The following SORL1 variants were observed in gnomAD, a reference collection of about 807,000 sequenced individuals.
SORL1 encodes the protein sortilin related receptor 1.
A neutral mutation model predicts 273.7 loss-of-function variants in SORL1; 127 were observed. That is an observed-to-expected ratio of 0.46 (90% CI 0.40 to 0.54). The LOEUF (loss-of-function observed/expected upper bound fraction) is 0.54, where lower values mean the gene tolerates loss of function less well. SORL1 is among the 20% of genes least tolerant of loss of function. SORL1 has a pLI of 0.00. For synonymous variants in SORL1, 1,031 were observed against 1,067.4 expected (o/e 0.97, Z 0.66); for missense variants, 2,494 against 2,846.1 (o/e 0.88, Z 2.81).
rs1863852887 is a variant in SORL1 at position 121,630,067 on chromosome 11, A to G, written c.*504A>G. 6.2e-6 allele frequency: 1 copy of G among 161,022 alleles called. No homozygotes were observed. The highest frequency in any genetic ancestry group is 1.4e-5 in the Non-Finnish European group (1 of 73,402). 10.0% of individuals were successfully genotyped at this position (161,022 alleles called of 1,614,324 possible). On this transcript the variant is annotated 3_prime_UTR_variant, in exon 48 of 48. Transcript: ENST00000260197. ...TTGTTAATTTATTGGGACTCTGTGT[A>G]AGGCCAGGCTTTAGTGGTCATTAGA... is the stretch of plus-strand genomic sequence containing the variant.
chr11:121,508,506 C>T (rs1028576697), intron 6 of SORL1, among the ~76,000 whole-genome samples: 9 of 152,214 alleles, frequency 5.9e-5, no homozygotes, highest in African/African-American at 2.2e-4. Context: ...CTGTCTATAT[C>T]ATGAACCAAG....
At chr11:121,519,887 CCT>C in intron 8 of SORL1, among the ~76,000 whole-genome samples, 1 of 152,236 alleles carries the variant, frequency 6.6e-6, no homozygotes, top group East Asian at 1.9e-4. Context: ...TTCTAAACCC[CCT>C]GTTAGGAATT....
chr11:121,496,819 T>A (rs1449759885), intron 5 of SORL1, 50 bp from the exon 6 acceptor site: 1 of 1,515,922 alleles, frequency 6.6e-7, no homozygotes, highest in African/African-American at 1.4e-5. Context: ...TCCATGCCTC[T>A]AGTAATTAAA....
intron 14 of SORL1, among the ~76,000 whole-genome samples, 188 bp from the exon 15 acceptor site, chr11:121,549,772 A>G (rs1862481546): frequency 6.6e-6 from 1 of 151,670 alleles, no homozygotes; most frequent in Non-Finnish European, 1.5e-5. Context: ...TGTTTTTCCA[A>G]CTGTGGTTCT....
intron 12 of SORL1, among the ~76,000 whole-genome samples, chr11:121,541,391 T>C (rs1862347650): frequency 6.6e-6 from 1 of 152,062 alleles, no homozygotes; most frequent in Non-Finnish European, 1.5e-5. Flanking sequence ...AAATTTTCTG[T>C]AGAGATGTGG....
At chr11:121,464,461 G>A (rs1861052591) in intron 1 of SORL1, among the ~76,000 whole-genome samples, 1 of 152,194 alleles carries the variant, frequency 6.6e-6, no homozygotes, top group Admixed American at 6.5e-5. Flanking sequence ...TACTTCATCC[G>A]CAAGTGAACG....
chr11:121,522,478 C>A, intron 9 of SORL1, 108 bp from the exon 10 acceptor site: 1 of 811,820 alleles, frequency 1.2e-6, no homozygotes, highest in Non-Finnish European at 2.1e-6. Context: ...TGGGCCAGGC[C>A]TCCTTGCCCC....
chr11:121,533,875 G>C (rs1336598231), intron 12 of SORL1, among the ~76,000 whole-genome samples: 1 of 152,168 alleles, frequency 6.6e-6, no homozygotes, highest in East Asian at 1.9e-4. Flanking sequence ...CTTTAGAGGT[G>C]ATACTCCGAA....
intron 11 of SORL1, among the ~76,000 whole-genome samples, chr11:121,530,151 C>T (rs1167556939): frequency 6.6e-6 from 1 of 152,184 alleles, no homozygotes; most frequent in Non-Finnish European, 1.5e-5. Flanking sequence ...ATTACAAAAC[C>T]CACAAAGCAG....
intron 25 of SORL1, among the ~76,000 whole-genome samples, chr11:121,582,594 T>C (rs537886528): frequency 9.8e-5 from 15 of 152,348 alleles, no homozygotes; most frequent in African/African-American, 3.4e-4. Context: ...GACTGAGTTT[T>C]TGAGGTGGTT....
intron 29 of SORL1, 136 bp downstream of exon 29, chr11:121,589,526 T>G (rs1863176611): frequency 3.7e-6 from 4 of 1,078,742 alleles, no homozygotes; most frequent in Non-Finnish European, 5.6e-6. Flanking sequence ...TGCCAGTTCC[T>G]GAATACTCAT....
intron 47 of SORL1, among the ~76,000 whole-genome samples, chr11:121,628,062 AC>A (rs1458673778): frequency 1.4e-4 from 22 of 152,138 alleles, no homozygotes; most frequent in African/African-American, 5.1e-4. Context: ...AGAATATCTG[AC>A]CCCTGTCTCA....
chr11:121,459,217 C>T (rs571421161), intron 1 of SORL1, among the ~76,000 whole-genome samples: 17 of 152,310 alleles, frequency 1.1e-4, no homozygotes, highest in African/African-American at 3.4e-4. Context: ...TTAATTTTAA[C>T]GAATTTAAAG....
rs1426861321 is a variant in SORL1, at chr11:121,543,587, C to A, written c.1725C>A (p.Ile575=). The A allele has an allele frequency of 1.2e-6, 2 of 1,614,044 alleles. No homozygotes were observed. The highest frequency in any genetic ancestry group is 1.7e-5 in the Admixed American group (1 of 60,022). The change falls in exon 13 of 48, where the codon ATC becomes ATA. Residue 575 remains isoleucine (I), a synonymous_variant. Coordinates refer to ENST00000260197, the MANE Select transcript of SORL1 (RefSeq NM_003105.6). The stretch of plus-strand genomic sequence containing the variant: ...AAGGGGAGACCTGGAAAACATTCAT[C>A]TTCTCTGAGAAGCCAGTGTTTGTGT... The part of the protein sequence containing the change: ...TNEGETWKTF[I]FSEKPVFVYG...
intron 11 of SORL1, among the ~76,000 whole-genome samples, chr11:121,529,119 G>T (rs999382220): frequency 6.6e-6 from 1 of 152,042 alleles, no homozygotes; most frequent in Non-Finnish European, 1.5e-5. Flanking sequence ...TTATCATTAT[G>T]AACTATCTCT....
intron 3 of SORL1, among the ~76,000 whole-genome samples, chr11:121,481,100 T>C (rs1861375582): frequency 7.9e-6 from 1 of 126,126 alleles, no homozygotes; most frequent in Non-Finnish European, 1.6e-5. Context: ...CCCCAGCTCC[T>C]CCCCTAGTAC....
chr11:121,454,353 T>C (rs3781824), intron 1 of SORL1, among the ~76,000 whole-genome samples: 48,013 of 152,100 alleles, frequency 0.32, 9,313 homozygotes, highest in African/African-American at 0.55. Context: ...GAGGAAAAAG[T>C]TTTCTGGTTT....
rs967254200 is a variant in SORL1, at chr11:121,563,127, A to T, written c.3049+3470A>T. ...AGGTGAGAATATGAAAGTCTGGTTTAGTAACTTGTGTAGGTCACACTTTTA... is the reference window on the plus strand; with the variant it reads ...AGGTGAGAATATGAAAGTCTGGTTTTGTAACTTGTGTAGGTCACACTTTTA... On this transcript the variant is annotated intron_variant, in intron 21 of 47. Transcript: ENST00000260197. The surrounding 1 kb of genome is among the most constrained non-coding windows in gnomAD (Gnocchi z 4.2). Among the ~76,000 whole-genome samples the T allele has an allele frequency of 6.6e-6, 1 of 152,176 alleles. No homozygotes were observed. The highest frequency in any genetic ancestry group is 1.9e-4 in the East Asian group (1 of 5,192).
At chr11:121,622,121 T>C (rs772381107) in intron 44 of SORL1, 41 bp from the exon 45 acceptor site, 30 of 1,073,828 alleles carry the variant, frequency 2.8e-5, no homozygotes, top group Non-Finnish European at 4.0e-5. Flanking sequence ...GTTTCAAATG[T>C]ATATCCACTA....
Sources: allele counts gnomAD v4.1 joint callset (sites outside exome capture counted in the v4.1 genomes callset), GRCh38; gene constraint gnomAD v4.1.1; non-coding constraint Gnocchi (gnomAD v3.1); transcripts MANE v1.5; gene names NCBI Gene and HGNC (gene_info 2026-07-23, HGNC 2026-07-21).